Variants in CSMD1 observed in about 807,000 individuals in gnomAD.
CSMD1 encodes the protein CUB and Sushi multiple domains 1.
In CSMD1, 213 loss-of-function variants were observed where a neutral mutation model predicts 417.5. That is an observed-to-expected ratio of 0.51 (90% CI 0.46 to 0.57). The LOEUF (loss-of-function observed/expected upper bound fraction) is 0.57. Ranked by LOEUF, CSMD1 falls within the 20% of genes least tolerant of loss-of-function variation. The pLI is 0.00. For missense variants in CSMD1, 6,923 were observed against 4,529.7 expected (o/e 1.53, Z -15.17); for synonymous variants, 2,862 against 1,736.8 (o/e 1.65, Z -16.11).
intron 1 of CSMD1, among the ~76,000 whole-genome samples, chr8:4,658,402 A>C (rs1466950122): frequency 1.3e-5 from 2 of 152,124 alleles, no homozygotes; most frequent in Non-Finnish European, 2.9e-5. Flanking sequence ...AGCACCTGCA[A>C]ATTTCTCATT....
intron 3 of CSMD1, among the ~76,000 whole-genome samples, chr8:4,126,045 T>C (rs1211372045): frequency 6.6e-6 from 1 of 152,078 alleles, no homozygotes; most frequent in African/African-American, 2.4e-5. Flanking sequence ...CCAAGACTTT[T>C]AATCTGGCCC....
chr8:4,807,509 AC>A (rs1380418782), intron 1 of CSMD1, among the ~76,000 whole-genome samples: 2 of 151,984 alleles, frequency 1.3e-5, no homozygotes, highest in Non-Finnish European at 1.5e-5. Context: ...AATCACCTAA[AC>A]CCCAGACAAA....
intron 1 of CSMD1, among the ~76,000 whole-genome samples, chr8:4,948,910 T>C (rs1399789844): frequency 6.6e-6 from 1 of 152,154 alleles, no homozygotes; most frequent in African/African-American, 2.4e-5. Flanking sequence ...ATAAAAATAA[T>C]GTTTCCTGTG....
chr8:3,212,751 AC>A (rs1352938285), intron 30 of CSMD1, among the ~76,000 whole-genome samples: 1 of 152,114 alleles, frequency 6.6e-6, no homozygotes, highest in Non-Finnish European at 1.5e-5. Context: ...GGACTTAGAA[AC>A]ATAGAAATAG....
intron 26 of CSMD1, among the ~76,000 whole-genome samples, chr8:3,257,768 G>C (rs1364077708): frequency 6.6e-6 from 1 of 152,158 alleles, no homozygotes; most frequent in Non-Finnish European, 1.5e-5. Flanking sequence ...GAAGGGGGTG[G>C]ATGATGAGGC....
Position 4,049,893 on chromosome 8 carries a change from G to A in CSMD1, c.416-17794C>T, listed in dbSNP as rs546256382. On this transcript the variant is annotated intron_variant, in intron 3 of 69. Transcript: ENST00000635120. The stretch of plus-strand genomic sequence containing the variant: ...TGAATTATCTTAGCTTTTAAGTAAC[G>A]TTCGCTTTCTGTTTCAGGAATCCAT... 1.0e-4 allele frequency among the ~76,000 whole-genome samples: 13 copies of A among 124,052 alleles called. No homozygotes were observed. The East Asian group carries it at 1.8e-3, about 17-fold the overall frequency. 81.4% of individuals were successfully genotyped at this position (124,052 alleles called of 152,430 possible).
At chr8:3,698,296 T>A (rs1800667742) in intron 7 of CSMD1, among the ~76,000 whole-genome samples, 1 of 152,224 alleles carries the variant, frequency 6.6e-6, no homozygotes, top group African/African-American at 2.4e-5. Flanking sequence ...TCTACTACAT[T>A]TGTTTTATAT....
intron 7 of CSMD1, among the ~76,000 whole-genome samples, chr8:3,634,998 C>T (rs1276070842): frequency 6.6e-6 from 1 of 151,970 alleles, no homozygotes; most frequent in Non-Finnish European, 1.5e-5. Flanking sequence ...ATTTGTGTAT[C>T]TAAACCTAAC....
chr8:4,692,786 C>T (rs1291378091), intron 1 of CSMD1, among the ~76,000 whole-genome samples: 2 of 152,144 alleles, frequency 1.3e-5, no homozygotes, highest in East Asian at 1.9e-4. Context: ...CTTATACGGG[C>T]CCTCCCTGGA....
chr8:4,617,478 T>A lies in CSMD1; in HGVS notation c.302+19864A>T, dbSNP rs61185160. Among the ~76,000 whole-genome samples the A allele has an allele frequency of 9.6e-3, 1,462 of 152,258 alleles. 22 individuals are homozygous for A. Among genetic ancestry groups the A allele is most frequent in the African/African-American group, 0.034 (1,392 of 41,542 alleles). Reference sequence around the variant, plus strand: ...AAATGCCTTGCCAGAAACAGAAAGGTAAACATTCTGGTAAATCACCTGTCA... The same window carrying A: ...AAATGCCTTGCCAGAAACAGAAAGGAAAACATTCTGGTAAATCACCTGTCA... On this transcript the variant is annotated intron_variant, in intron 2 of 69. Coordinates refer to ENST00000635120, the MANE Select transcript of CSMD1 (RefSeq NM_033225.6).
intron 4 of CSMD1, among the ~76,000 whole-genome samples, chr8:4,022,958 T>G (rs766486798): frequency 2.6e-5 from 4 of 152,126 alleles, no homozygotes; most frequent in Non-Finnish European, 5.9e-5. Flanking sequence ...AATTCAAAAT[T>G]TGAGGGCAAA....
At chr8:4,652,852 T>G (rs536298229) in intron 1 of CSMD1, among the ~76,000 whole-genome samples, 47 of 152,104 alleles carry the variant, frequency 3.1e-4, no homozygotes, top group Non-Finnish European at 6.0e-4. Flanking sequence ...ATCCCTTGCG[T>G]GCACCGTTCA....
chr8:3,853,167 C>A (rs1804031326), intron 5 of CSMD1, among the ~76,000 whole-genome samples: 1 of 152,254 alleles, frequency 6.6e-6, no homozygotes. Context: ...CAAGGACACT[C>A]CTCTGAGATG....
intron 12 of CSMD1, among the ~76,000 whole-genome samples, chr8:3,426,444 C>G (rs1036859273): frequency 2.0e-5 from 3 of 152,166 alleles, no homozygotes; most frequent in African/African-American, 7.2e-5. Flanking sequence ...AGGAACATCA[C>G]TTTTCAAATC....
intron 7 of CSMD1, among the ~76,000 whole-genome samples, chr8:3,702,532 T>C (rs760150691): frequency 1.3e-5 from 2 of 152,158 alleles, no homozygotes; most frequent in Non-Finnish European, 2.9e-5. Flanking sequence ...GTTACCATCA[T>C]TAAAAAATAG....
intron 5 of CSMD1, among the ~76,000 whole-genome samples, chr8:3,966,135 T>C (rs1366384813): frequency 6.6e-6 from 1 of 152,208 alleles, no homozygotes; most frequent in Non-Finnish European, 1.5e-5. Flanking sequence ...CCATCCATGC[T>C]ACTTATAATA....
chr8:4,418,460 A>C (rs1334543473), intron 3 of CSMD1, among the ~76,000 whole-genome samples: 1 of 152,178 alleles, frequency 6.6e-6, no homozygotes, highest in African/African-American at 2.4e-5. Flanking sequence ...AGTTTTCACA[A>C]CATTAATTTT....
At chr8:4,054,024 A>T (rs543916129) in intron 3 of CSMD1, among the ~76,000 whole-genome samples, 10 of 152,318 alleles carry the variant, frequency 6.6e-5, no homozygotes, top group African/African-American at 2.2e-4. Context: ...CAACATGGCC[A>T]CAGCTTTGCT....
chr8:4,439,780 A>C (rs181206742), intron 2 of CSMD1, among the ~76,000 whole-genome samples: 311 of 152,312 alleles, frequency 2.0e-3, no homozygotes, highest in African/African-American at 7.1e-3. Flanking sequence ...CTAAGCCTAC[A>C]AATAGTGACT....
Sources: gnomAD v4.1 joint callset for allele counts (sites outside exome capture counted in the v4.1 genomes callset) on GRCh38, gnomAD v4.1.1 for gene constraint, MANE v1.5 for transcripts, NCBI Gene and HGNC (gene_info 2026-07-23, HGNC 2026-07-21) for gene names.